Variants in IP6K3 observed in about 807,000 individuals in gnomAD.
The protein encoded by IP6K3 is inositol hexakisphosphate kinase 3.
IP6K3 carries 20 observed loss-of-function variants against 28.8 expected under a neutral mutation model. The ratio of observed to expected loss-of-function variants is 0.70; its 90% CI spans 0.49 to 1.01. IP6K3 has a LOEUF of 1.01. IP6K3 is among the 50% of genes least tolerant of loss of function. The pLI, the probability that IP6K3 is intolerant of heterozygous loss-of-function variation, is 0.00. For missense variants in IP6K3, 480 were observed against 537.1 expected (o/e 0.89, Z 1.05); for synonymous variants, 213 against 221.3 (o/e 0.96, Z 0.33).
chr6:33,747,074 G>A (rs1766938207), upstream of IP6K3, among the ~76,000 whole-genome samples: 1 of 149,418 alleles, frequency 6.7e-6, no homozygotes, highest in Non-Finnish European at 1.5e-5. This position sits in a 1 kb window ranked among gnomAD's most constrained non-coding sequence, Gnocchi z 5.2. Flanking sequence ...GAGAGAAGAG[G>A]GGAGGAGGAA....
chr6:33,735,290 G>A lies in IP6K3; in HGVS notation c.187C>T (p.Pro63Ser), dbSNP rs754182697. Residue 63 changes from proline to serine, a missense_variant, in exon 2 of 6, where the codon CCA (proline) becomes TCA (serine). Physicochemically the swap from Pro to Ser is moderately conservative, Grantham distance 74. Transcript: ENST00000293756. ...CCTAGACACTCACCTTTGTACTGTG[G>A]GGTGAACCGCTTCATGGCCAGCGGC... Reference protein sequence around the residue: ...SLPLAMKRFTPQYKGTVTVHL... With the variant: ...SLPLAMKRFTSQYKGTVTVHL... 6.2e-7 allele frequency: 1 copy of A among 1,612,588 alleles called. No individual in the cohort carries two copies. The highest frequency in any genetic ancestry group is 8.5e-7 in the Non-Finnish European group (1 of 1,179,698).
rs1020072273 is a variant in IP6K3 at position 33,724,002 on chromosome 6, G to A, written c.766-815C>T. 1.2e-4 allele frequency among the ~76,000 whole-genome samples: 19 copies of A among 152,294 alleles called. No individual in the cohort carries two copies. In the East Asian group the frequency reaches 3.7e-3, roughly 29 times the overall value. On this transcript the variant is annotated intron_variant, in intron 5 of 5. Coordinates refer to ENST00000293756, the MANE Select transcript of IP6K3 (RefSeq NM_054111.5). ...CCAGCAGTGGGCATGGCCGGGGGGG[G>A]GTGGCACCCCTCTGCCTGGCATACC...
At chr6:33,759,841 C>T in the IP6K3 span, among the ~76,000 whole-genome samples, 2 of 151,624 alleles carry the variant, frequency 1.3e-5, no homozygotes, top group African/African-American at 4.8e-5. Flanking sequence ...CCACTGAACT[C>T]CAGACTGGGT....
At chr6:33,738,863 C>T (rs1206126226) in intron 1 of IP6K3, among the ~76,000 whole-genome samples, 4 of 152,222 alleles carry the variant, frequency 2.6e-5, no homozygotes, top group Middle Eastern at 3.2e-3. Context: ...CCTGGCCTGT[C>T]CCCTATCCCA....
chr6:33,729,994 G>T (rs865839166), intron 2 of IP6K3, among the ~76,000 whole-genome samples: 7 of 152,190 alleles, frequency 4.6e-5, no homozygotes, highest in African/African-American at 1.4e-4. Context: ...TTGCAGGTGT[G>T]AGCCACCGTG....
At chr6:33,736,169 A>G (rs192026325) in intron 1 of IP6K3, among the ~76,000 whole-genome samples, 199 of 152,222 alleles carry the variant, frequency 1.3e-3, no homozygotes, top group South Asian at 3.7e-3. Context: ...CCAGCCAGAG[A>G]CTTTAAATAA....
chr6:33,740,077 C>T (rs565335312), intron 1 of IP6K3, among the ~76,000 whole-genome samples: 35 of 152,224 alleles, frequency 2.3e-4, no homozygotes, highest in Non-Finnish European at 3.8e-4. Context: ...ATATCCTTGG[C>T]TCTCTTTAGT....
chr6:33,729,806 C>T (rs1191107215), intron 2 of IP6K3, among the ~76,000 whole-genome samples: 1 of 152,178 alleles, frequency 6.6e-6, no homozygotes, highest in Non-Finnish European at 1.5e-5. Flanking sequence ...CTCCGCCTCC[C>T]GGGTTCAAGC....
chr6:33,727,805 T>C (rs1162202231), intron 3 of IP6K3: 2 of 983,616 alleles, frequency 2.0e-6, no homozygotes, highest in African/African-American at 1.7e-5. Context: ...GAAACAGATA[T>C]TTAATTAAAC....
the IP6K3 span, among the ~76,000 whole-genome samples, chr6:33,757,534 G>A: frequency 6.6e-6 from 1 of 152,194 alleles, no homozygotes; most frequent in Non-Finnish European, 1.5e-5. Flanking sequence ...CTTTTTGAGG[G>A]TAGAGGATTG....
the IP6K3 span, among the ~76,000 whole-genome samples, chr6:33,760,037 C>T: frequency 1.3e-5 from 2 of 152,156 alleles, no homozygotes; most frequent in Admixed American, 6.5e-5. Flanking sequence ...ACTGAGCCTG[C>T]GAGCCTGCGG....
At position 33,722,747 on chromosome 6, in the gene IP6K3, G is replaced by A; in HGVS notation, c.1206C>T (p.Ile402=). Residue 402 remains isoleucine, a synonymous_variant, in exon 6 of 6, where the codon ATC becomes ATT. Transcript: ENST00000293756. ...ATTCTCCCTCTTGGATATCCTGCAG[G>A]ATCCTGATGAGGTTTTCCAGGCCAA... The part of the protein sequence containing the change: ...YIFGLENLIR[I]LQDIQEGE 1 of 1,611,892 alleles carries A rather than the reference G, an allele frequency of 6.2e-7. No individual in the cohort carries two copies. Among genetic ancestry groups the A allele is most frequent in the Non-Finnish European group, 8.5e-7 (1 of 1,178,754 alleles).
At chr6:33,727,764 T>C in intron 3 of IP6K3, 1 of 913,800 alleles carries the variant, frequency 1.1e-6, no homozygotes, top group South Asian at 5.0e-5. Context: ...TTTTGTGTAC[T>C]TCCTCCCCAG....
chr6:33,745,549 G>A (rs895607273), intron 1 of IP6K3, among the ~76,000 whole-genome samples: 1 of 152,146 alleles, frequency 6.6e-6, no homozygotes, highest in Admixed American at 6.5e-5. Context: ...GCAAAGTGGT[G>A]GGGAAAAATC....
chr6:33,733,596 A>C (rs1000123645), intron 2 of IP6K3, among the ~76,000 whole-genome samples: 1 of 152,246 alleles, frequency 6.6e-6, no homozygotes, highest in African/African-American at 2.4e-5. Context: ...TGCTGGGCTA[A>C]GTTTAGTTGT....
chr6:33,760,654 A>C, the IP6K3 span, among the ~76,000 whole-genome samples: 1 of 152,142 alleles, frequency 6.6e-6, no homozygotes, highest in Non-Finnish European at 1.5e-5. Context: ...CAGCCTCCCA[A>C]GTAGCTGGGA....
At position 33,727,694 on chromosome 6, in the gene IP6K3, G is replaced by A. The variant is rs374162337; in HGVS notation, c.413+393C>T. ...CCCCTTCCAACTGCTAGGGAAAGAG[G>A]TGATTTCTGAGAGCAATTAGCCACA... On this transcript the variant is annotated intron_variant, in intron 3 of 5. Transcript: ENST00000293756. The A allele has an allele frequency of 1.7e-5, 7 of 401,262 alleles. No homozygotes were observed. The East Asian group carries it at 9.7e-4, about 55-fold the overall frequency. 24.9% of individuals were successfully genotyped at this position (401,262 alleles called of 1,614,324 possible). A position where few individuals can be genotyped will look rare whatever the true frequency, so the allele number is the denominator to read the frequency against.
At chr6:33,723,713 G>C (rs1365074744) in intron 5 of IP6K3, among the ~76,000 whole-genome samples, 2 of 152,168 alleles carry the variant, frequency 1.3e-5, no homozygotes, top group Non-Finnish European at 2.9e-5. Flanking sequence ...TGAATTGTTT[G>C]AAGATAAAAA....
At chr6:33,728,037 C>T (rs762840391) in intron 3 of IP6K3, 50 bp downstream of exon 3, 17 of 1,583,162 alleles carry the variant, frequency 1.1e-5, no homozygotes, top group Admixed American at 5.1e-5. Context: ...GGAGCAGTGC[C>T]GGTCCCTGCC....
Sources: allele counts gnomAD v4.1 joint callset (sites outside exome capture counted in the v4.1 genomes callset), GRCh38; gene constraint gnomAD v4.1.1; non-coding constraint Gnocchi (gnomAD v3.1); transcripts MANE v1.5; gene names NCBI Gene and HGNC (gene_info 2026-07-23, HGNC 2026-07-21).